Variants in PTCHD4 observed in about 807,000 individuals in gnomAD.
PTCHD4 encodes patched domain-containing protein 4.
A neutral mutation model predicts 58.1 loss-of-function variants in PTCHD4; 33 were observed. The ratio of observed to expected loss-of-function variants is 0.57; its 90% confidence interval spans 0.43 to 0.76. The LOEUF (loss-of-function observed/expected upper bound fraction) is 0.76, where lower values mean the gene tolerates loss of function less well. Ranked by LOEUF, PTCHD4 falls within the 30% of genes least tolerant of loss-of-function variation. PTCHD4 has a pLI of 0.00. For synonymous variants in PTCHD4, 478 were observed against 409.6 expected, an observed-to-expected ratio of 1.17 and a Z score of -2.02; for missense variants, 1,058 against 1,027.1, an observed-to-expected ratio of 1.03 and a Z score of -0.41.
intron 3 of PTCHD4, among the ~76,000 whole-genome samples, chr6:48,019,346 G>T (rs1387916695): frequency 1.3e-5 from 2 of 152,012 alleles, no homozygotes; most frequent in Admixed American, 1.3e-4. Context: ...ATGGTGTGGG[G>T]TGAGGATAGA....
chr6:48,039,527 TGGTGTTTACATG>T (rs1489912628), intron 3 of PTCHD4, among the ~76,000 whole-genome samples: 1 of 152,130 alleles, frequency 6.6e-6, no homozygotes, highest in Non-Finnish European at 1.5e-5. Flanking sequence ...TTAACCTTGG[TGGTGTTTACATG>T]GGTGTTTGCT....
chr6:47,964,659 G>C (rs2113975171), intron 4 of PTCHD4, among the ~76,000 whole-genome samples: 1 of 152,188 alleles, frequency 6.6e-6, no homozygotes. Context: ...CTATGCACCA[G>C]TTGTCTAAGT....
In PTCHD4 at chr6:47,870,457, A is replaced by G. The variant is rs1229507984; in HGVS notation, c.*7846T>C. Reference sequence around the variant, plus strand: ...GTGTTTACACATGCAAATCTATGGGAAATAATTTGTTCTTTATTTGTTTCT... The same window carrying G: ...GTGTTTACACATGCAAATCTATGGGGAATAATTTGTTCTTTATTTGTTTCT... On this transcript the variant is annotated 3_prime_UTR_variant, in exon 5 of 5. Transcript: ENST00000339488. Among the ~76,000 whole-genome samples, 1 of 151,678 alleles carries G rather than the reference A, an allele frequency of 6.6e-6. No homozygotes were observed. The highest frequency in any genetic ancestry group is 1.5e-5 in the Non-Finnish European group (1 of 67,730).
At position 47,878,770 on chromosome 6, in the gene PTCHD4, C is replaced by G. The variant is rs528776718; in HGVS notation, c.2065G>C (p.Val689Leu). Residue 689 changes from valine (V) to leucine (L), a missense_variant, in exon 5 of 5, where the codon GTC (valine) becomes CTC (leucine). Coordinates refer to ENST00000339488, the MANE Select transcript of PTCHD4 (RefSeq NM_001384253.1). ...PLGNFWLILS[V>L]TSIELGVLGL... ...AGAACGCCCAGCTCAATTGAGGTGA[C>G]GCTAAGAATTAGCCAGAAGTTTCCC... The G allele has an allele frequency of 1.9e-6, 3 of 1,613,384 alleles. No homozygotes were observed. The highest frequency in any genetic ancestry group is 1.6e-4 in the Middle Eastern group (1 of 6,082).
chr6:47,907,132 T>C (rs1764914128), intron 4 of PTCHD4, among the ~76,000 whole-genome samples: 1 of 152,058 alleles, frequency 6.6e-6, no homozygotes. Flanking sequence ...AGTGTCCAAG[T>C]GGAATTGGTG....
At chr6:48,095,486 A>G (rs747265966) in intron 1 of PTCHD4, among the ~76,000 whole-genome samples, 4 of 152,046 alleles carry the variant, frequency 2.6e-5, no homozygotes, top group Admixed American at 6.6e-5. Context: ...GATCGAAACC[A>G]CTCTGGCTAA....
At chr6:48,037,109 C>G (rs1763667182) in intron 3 of PTCHD4, among the ~76,000 whole-genome samples, 1 of 152,122 alleles carries the variant, frequency 6.6e-6, no homozygotes, top group South Asian at 2.1e-4. Flanking sequence ...CAATTCACCT[C>G]ACTTCATCTC....
In PTCHD4 at chr6:48,068,613, A is replaced by G. The variant is rs1484560640; in HGVS notation, c.34T>C (p.Trp12Arg). 6.4e-7 allele frequency: 1 copy of G among 1,572,292 alleles called. No individual in the cohort carries two copies. Among genetic ancestry groups the G allele is most frequent in the Non-Finnish European group, 8.6e-7 (1 of 1,163,512 alleles). Residue 12 changes from tryptophan to arginine, a missense_variant, in exon 3 of 5, where the codon TGG becomes CGG. Physicochemically the swap from Trp to Arg is moderately radical, Grantham distance 101. Transcript: ENST00000339488. This position sits in a 1 kb window ranked among gnomAD's most constrained non-coding sequence, Gnocchi z 4.2. ...AGCACCTGCCGCAGCATCCTCCACC[A>G]GATCCAGCTCGCAGGCGCTCCCGGC... ...RRPGAPASWI[W>R]WRMLRQVLRR...
intron 4 of PTCHD4, among the ~76,000 whole-genome samples, chr6:47,965,356 T>C (rs2113976528): frequency 6.6e-6 from 1 of 152,346 alleles, no homozygotes; most frequent in Non-Finnish European, 1.5e-5. Flanking sequence ...TGTAGCTCTG[T>C]TGTTCTTGAA....
chr6:48,044,534 CTG>C (rs968788786), intron 3 of PTCHD4, among the ~76,000 whole-genome samples: 3 of 151,856 alleles, frequency 2.0e-5, no homozygotes, highest in Admixed American at 6.6e-5. Context: ...TTGAGTGACA[CTG>C]TGTTTTTTAA....
At chr6:47,913,018 C>A (rs913202206) in intron 4 of PTCHD4, among the ~76,000 whole-genome samples, 1 of 152,094 alleles carries the variant, frequency 6.6e-6, no homozygotes, top group African/African-American at 2.4e-5. Context: ...TTCTGAGTGA[C>A]CAGCACTGCT....
chr6:48,100,822 A>G (rs904795461), intron 1 of PTCHD4, among the ~76,000 whole-genome samples: 2 of 152,200 alleles, frequency 1.3e-5, no homozygotes, highest in African/African-American at 4.8e-5. Context: ...TGAGTCGTGC[A>G]TCTACCACTT....
chr6:47,914,883 G>A (rs1765196425), intron 4 of PTCHD4, among the ~76,000 whole-genome samples: 1 of 151,954 alleles, frequency 6.6e-6, no homozygotes, highest in African/African-American at 2.4e-5. Context: ...ATAAAAGAGT[G>A]AGTACTGTGT....
chr6:47,888,603 A>C (rs1764272160), intron 4 of PTCHD4, among the ~76,000 whole-genome samples: 1 of 152,180 alleles, frequency 6.6e-6, no homozygotes, highest in African/African-American at 2.4e-5. Flanking sequence ...GTTTGCATTC[A>C]GTCATTTTGA....
chr6:47,992,462 C>A (rs112912289), intron 4 of PTCHD4, among the ~76,000 whole-genome samples: 208 of 152,250 alleles, frequency 1.4e-3, no homozygotes, highest in African/African-American at 4.7e-3. Context: ...CAGGAGGTTT[C>A]TGGAATGCTG....
intron 4 of PTCHD4, among the ~76,000 whole-genome samples, chr6:47,954,373 A>C (rs1265354243): frequency 6.6e-6 from 1 of 152,190 alleles, no homozygotes; most frequent in Non-Finnish European, 1.5e-5. Flanking sequence ...ACAAACAAAA[A>C]ATAAAAAGGA....
At position 47,879,568 on chromosome 6, in the gene PTCHD4, T is replaced by C. The variant is rs768483547; in HGVS notation, c.1267A>G (p.Met423Val). ...DRKPVWFQTV[M>V]SDGHQQTSHH... ...GACGTCTGTTGATGCCCATCACTCA[T>C]CACTGTCTGGAACCACACAGGTTTG... is the stretch of plus-strand genomic sequence containing the variant. The change falls in exon 5 of 5, where the codon ATG (methionine) becomes GTG (valine). Residue 423 changes from methionine to valine, a missense_variant. Met to Val is a conservative substitution (Grantham distance 21). Transcript: ENST00000339488. 3.2e-5 allele frequency: 51 copies of C among 1,613,778 alleles called. No individual in the cohort carries two copies. The highest frequency in any genetic ancestry group is 4.1e-5 in the Non-Finnish European group (48 of 1,179,784).
intron 3 of PTCHD4, among the ~76,000 whole-genome samples, chr6:48,029,495 A>C (rs546979685): frequency 3.6e-4 from 55 of 152,224 alleles, no homozygotes; most frequent in African/African-American, 1.2e-3. Flanking sequence ...TTTAATTCCT[A>C]TGGCTTTTCT....
In PTCHD4 at chr6:47,873,037, C is replaced by T; in HGVS notation, c.*5266G>A. On this transcript the variant is annotated 3_prime_UTR_variant, in exon 5 of 5. Transcript: ENST00000339488. ...GGAATGAATGATGCTTATGTCGGTGCTTACTTTAAGCTTCTTTACAAAGAG... is the reference window on the plus strand; with the variant it reads ...GGAATGAATGATGCTTATGTCGGTGTTTACTTTAAGCTTCTTTACAAAGAG... Among the ~76,000 whole-genome samples the T allele has an allele frequency of 6.6e-6, 1 of 151,640 alleles. No individual in the cohort carries two copies. Among genetic ancestry groups the T allele is most frequent in the East Asian group, 1.9e-4 (1 of 5,146 alleles).
Sources: allele counts gnomAD v4.1 joint callset (sites outside exome capture counted in the v4.1 genomes callset), GRCh38; gene constraint gnomAD v4.1.1; non-coding constraint Gnocchi (gnomAD v3.1); transcripts MANE v1.5; gene names NCBI Gene and HGNC (gene_info 2026-07-23, HGNC 2026-07-21).